The following NKD2 variants were observed in gnomAD, a reference collection of about 807,000 sequenced individuals.
NKD2 encodes NKD inhibitor of Wnt signaling pathway 2.
In NKD2, 43 loss-of-function variants were observed where a neutral mutation model predicts 34.8. That is an observed-to-expected ratio of 1.24 (90% CI 0.97 to 1.60). The LOEUF (loss-of-function observed/expected upper bound fraction) is 1.60. Among genes scored for constraint, NKD2 ranks in the 40% most tolerant of loss-of-function variants. The probability of loss-of-function intolerance (pLI) is 0.00; values close to 1 mark genes in which losing one functional copy is unlikely to be tolerated. For synonymous variants in NKD2, 278 were observed against 265.1 expected, an observed-to-expected ratio of 1.05 and a Z score of -0.47; for missense variants, 675 against 627.1, an observed-to-expected ratio of 1.08 and a Z score of -0.82.
At chr5:1,030,929 C>T (rs1316225084) in intron 3 of NKD2, among the ~76,000 whole-genome samples, 2 of 152,182 alleles carry the variant, frequency 1.3e-5, no homozygotes, top group African/African-American at 4.8e-5. Context: ...TCTCACTCAA[C>T]AATATTCAGC....
At chr5:1,032,451 G>A (rs1177384943) in intron 4 of NKD2, among the ~76,000 whole-genome samples, 1 of 152,246 alleles carries the variant, frequency 6.6e-6, no homozygotes, top group Non-Finnish European at 1.5e-5. Flanking sequence ...AGAGCCCTAA[G>A]CGTTACCTTT....
chr5:1,016,252 C>T (rs558921441), intron 3 of NKD2, among the ~76,000 whole-genome samples: 3 of 152,380 alleles, frequency 2.0e-5, no homozygotes, highest in Middle Eastern at 3.4e-3. Context: ...GCTCTCACGG[C>T]GAGCTGCACC....
chr5:1,016,355 A>G (rs982979588), intron 3 of NKD2, among the ~76,000 whole-genome samples: 1 of 152,240 alleles, frequency 6.6e-6, no homozygotes, highest in African/African-American at 2.4e-5. Context: ...CGTGAAACAA[A>G]TTGGGTCTGT....
In NKD2 at chr5:1,009,695, C is replaced by A; in HGVS notation, c.141+135C>A. Reference sequence around the variant, plus strand: ...CCATGGCCGCACGAGTGACCGGGGGCCAGGAGAGCCAGTCTCTCCCCAGCC... The same window carrying A: ...CCATGGCCGCACGAGTGACCGGGGGACAGGAGAGCCAGTCTCTCCCCAGCC... On this transcript the variant is annotated intron_variant, in intron 3 of 9. Transcript: ENST00000296849. The surrounding 1 kb of genome is among the most constrained non-coding windows in gnomAD (Gnocchi z 6.9). The A allele has an allele frequency of 1.5e-6, 1 of 656,834 alleles. No individual in the cohort carries two copies. Among genetic ancestry groups the A allele is most frequent in the Non-Finnish European group, 2.3e-6 (1 of 430,240 alleles). The allele number at this position is 656,834 out of a possible 1,614,324, so 40.7% of individuals were successfully genotyped here.
intron 3 of NKD2, among the ~76,000 whole-genome samples, chr5:1,025,710 T>C (rs796613314): frequency 1.7e-4 from 3 of 18,064 alleles, no homozygotes; most frequent in Admixed American, 5.9e-4. Flanking sequence ...TCTGTGGGCG[T>C]CCCAGCCCAT....
intron 4 of NKD2, among the ~76,000 whole-genome samples, chr5:1,033,031 C>CACGG (rs56413108): frequency 1.3e-5 from 2 of 151,828 alleles, no homozygotes; most frequent in South Asian, 2.1e-4. Flanking sequence ...GGGACTGTGT[C>CACGG]TATGGGGAGG....
Position 1,030,813 on chromosome 5 carries a change from C to T in NKD2, c.142-1339C>T, listed in dbSNP as rs962643241. Reference sequence around the variant, plus strand: ...AATGAGGGCAAGCTCTCCTGCCTCCCGCTGGGAGCTGCCCACCCTGCCTTG... The same window carrying T: ...AATGAGGGCAAGCTCTCCTGCCTCCTGCTGGGAGCTGCCCACCCTGCCTTG... On this transcript the variant is annotated intron_variant, in intron 3 of 9. Transcript: ENST00000296849. Among the ~76,000 whole-genome samples the T allele has an allele frequency of 9.2e-5, 14 of 152,186 alleles. 1 individual carries two copies. Among genetic ancestry groups the T allele is most frequent in the African/African-American group, 2.7e-4 (11 of 41,444 alleles).
rs950323062 is a variant in NKD2 at position 1,034,222 on chromosome 5, C to T, written c.331-13C>T. 4.4e-6 allele frequency: 7 copies of T among 1,603,976 alleles called. No individual in the cohort carries two copies. Among genetic ancestry groups the T allele is most frequent in the African/African-American group, 1.3e-5 (1 of 74,818 alleles). Reference sequence around the variant, plus strand: ...GTAGGAGGCGAGGTCCCGGCCCCCACGTCCCCCCACAGGCACTCCAGTGCG... The same window carrying T: ...GTAGGAGGCGAGGTCCCGGCCCCCATGTCCCCCCACAGGCACTCCAGTGCG... On this transcript the variant is annotated splice_polypyrimidine_tract_variant and intron_variant, in intron 5 of 9. Transcript: ENST00000296849.
chr5:1,029,256 A>G (rs73026731), intron 3 of NKD2, among the ~76,000 whole-genome samples: 6,286 of 152,242 alleles, frequency 0.041, 146 homozygotes, highest in African/African-American at 0.057. Context: ...CTAGGGAATA[A>G]GGGGATATTT....
intron 3 of NKD2, among the ~76,000 whole-genome samples, chr5:1,031,452 C>T (rs929639317): frequency 6.6e-6 from 1 of 152,132 alleles, no homozygotes; most frequent in African/African-American, 2.4e-5. Flanking sequence ...GCTGCCCATC[C>T]CTCCCGCCCG....
chr5:1,014,483 C>T (rs1052220038), intron 3 of NKD2, among the ~76,000 whole-genome samples: 4 of 152,212 alleles, frequency 2.6e-5, no homozygotes, highest in African/African-American at 9.7e-5. Flanking sequence ...TGCCCTGGGC[C>T]CCTGCTGTGC....
At chr5:1,011,232 G>T (rs920319895) in intron 3 of NKD2, among the ~76,000 whole-genome samples, 2 of 152,206 alleles carry the variant, frequency 1.3e-5, no homozygotes, top group Non-Finnish European at 2.9e-5. Flanking sequence ...AGACAAAAGT[G>T]CTGCCTTTCT....
chr5:1,023,281 G>T (rs369183336), intron 3 of NKD2, among the ~76,000 whole-genome samples: 4 of 20,894 alleles, frequency 1.9e-4, no homozygotes, highest in African/African-American at 2.8e-4. Context: ...CTTCCCACCC[G>T]CTGTGGGCGT....
chr5:1,012,662 C>G (rs1296167530), intron 3 of NKD2, among the ~76,000 whole-genome samples: 1 of 152,262 alleles, frequency 6.6e-6, no homozygotes, highest in Non-Finnish European at 1.5e-5. Flanking sequence ...GGGAACTGGG[C>G]TCAGCCCCAC....
At chr5:1,021,331 C>G (rs1468349304) in intron 3 of NKD2, among the ~76,000 whole-genome samples, 3 of 142,058 alleles carry the variant, frequency 2.1e-5, no homozygotes, top group Non-Finnish European at 3.1e-5. Context: ...ACCTCCCAGC[C>G]CCTTTGCTCC....
At position 1,010,820 on chromosome 5, in the gene NKD2, CCT is replaced by C. The variant is rs1297255047; in HGVS notation, c.141+1266_141+1267del. On this transcript the variant is annotated intron_variant, in intron 3 of 9. Coordinates refer to ENST00000296849, the MANE Select transcript of NKD2 (RefSeq NM_033120.4). ...AGCACCTGGGGTGGGCGGGCGTTCA[CCT>C]CTCTCGTGGTCAGGGCTTTGGCCGG... 7.9e-5 allele frequency among the ~76,000 whole-genome samples: 12 copies of C among 152,328 alleles called. 4 individuals carry two copies. The highest frequency in any genetic ancestry group is 7.2e-4 in the Admixed American group (11 of 15,310).
chr5:1,034,971 G>C, intron 7 of NKD2, 68 bp downstream of exon 7: 2 of 1,391,418 alleles, frequency 1.4e-6, no homozygotes, highest in Non-Finnish European at 1.9e-6. Flanking sequence ...CTGTGTGCGC[G>C]GGACAGGGAG....
Position 1,009,133 on chromosome 5 carries a change from G to T in NKD2, c.26-46G>T. On this transcript the variant is annotated intron_variant, in intron 1 of 9. Transcript: ENST00000296849. This position sits in a 1 kb window ranked among gnomAD's most constrained non-coding sequence, Gnocchi z 6.9. ...AGGGCGGGCGGGCGGGCGTGGGGCC[G>T]CCTCTCACTGTCGTTTTCCTCTCCC... The T allele has an allele frequency of 1.9e-6, 1 of 516,576 alleles. No homozygotes were observed. The highest frequency in any genetic ancestry group is 3.4e-6 in the Non-Finnish European group (1 of 291,588). The allele number at this position is 516,576 out of a possible 1,614,324, so 32.0% of individuals were successfully genotyped here. A position where few individuals can be genotyped will look rare whatever the true frequency, so the allele number is the denominator to read the frequency against.
rs1272629729 is a variant in NKD2 at position 1,038,324 on chromosome 5, AC to A, written c.1309del (p.His437ThrfsTer61). Reference protein sequence around the residue: ...PVIQRHEHHHHHEHHHHHHHH... With the variant: ...PVIQRHEHHHXHEHHHHHHHH... ...ATCCAGCGGCACGAGCACCACCACCACCACGAGCACCACCACCACCACCACC... is the reference window on the plus strand; with the variant it reads ...ATCCAGCGGCACGAGCACCACCACCACACGAGCACCACCACCACCACCACC... On this transcript the variant is annotated frameshift_variant, in exon 10 of 10. Transcript: ENST00000296849. LOFTEE classifies it high-confidence loss of function. The surrounding 1 kb of genome is among the most constrained non-coding windows in gnomAD (Gnocchi z 4.5). 2 of 1,531,866 alleles carry A rather than the reference AC, an allele frequency of 1.3e-6. No homozygotes were observed. Among genetic ancestry groups the A allele is most frequent in the African/African-American group, 1.4e-5 (1 of 72,934 alleles). The allele number at this position is 1,531,866 out of a possible 1,614,324, so 94.9% of individuals were successfully genotyped here. A position where few individuals can be genotyped will look rare whatever the true frequency, so the allele number is the denominator to read the frequency against.
Sources: allele counts gnomAD v4.1 joint callset (sites outside exome capture counted in the v4.1 genomes callset), GRCh38; gene constraint gnomAD v4.1.1; non-coding constraint Gnocchi (gnomAD v3.1); transcripts MANE v1.5; gene names NCBI Gene and HGNC (gene_info 2026-07-23, HGNC 2026-07-21).